The following ELP4 variants were observed in gnomAD, a reference collection of about 807,000 sequenced individuals.
The protein encoded by ELP4 is elongator acetyltransferase complex subunit 4.
ELP4 carries 51 observed loss-of-function variants against 48.9 expected under a neutral mutation model. That is an observed-to-expected ratio of 1.04 (90% CI 0.83 to 1.32). The LOEUF (loss-of-function observed/expected upper bound fraction) is 1.32. ELP4 is among the 40% of genes most tolerant of loss of function. ELP4 has a pLI of 0.00. For synonymous variants in ELP4, 210 were observed against 189.2 expected, an observed-to-expected ratio of 1.11 and a Z score of -0.90; for missense variants, 519 against 514.6, an observed-to-expected ratio of 1.01 and a Z score of -0.08.
At chr11:31,643,764 A>G (rs1350281562) in intron 7 of ELP4, among the ~76,000 whole-genome samples, 1 of 151,876 alleles carries the variant, frequency 6.6e-6, no homozygotes, top group Non-Finnish European at 1.5e-5. Flanking sequence ...TTACCATTGT[A>G]TAATGGCAAA....
At chr11:31,594,251 A>G (rs981264464) in intron 3 of ELP4, among the ~76,000 whole-genome samples, 1 of 152,200 alleles carries the variant, frequency 6.6e-6, no homozygotes, top group Non-Finnish European at 1.5e-5. Flanking sequence ...AAGAAGAGAC[A>G]TAAGCTTGCA....
intron 9 of ELP4, among the ~76,000 whole-genome samples, chr11:31,690,318 A>G (rs1946250086): frequency 1.3e-5 from 2 of 152,150 alleles, no homozygotes; most frequent in Admixed American, 6.6e-5. Context: ...AACCTGTGCC[A>G]CAATCCAGTC....
chr11:31,730,970 GA>G (rs879362700), intron 9 of ELP4, among the ~76,000 whole-genome samples: 41 of 141,598 alleles, frequency 2.9e-4, no homozygotes, highest in Admixed American at 5.0e-4. Context: ...ACAAGCTCCT[GA>G]AAAAAAAAAA....
At chr11:31,695,408 G>C (rs939675199) in intron 9 of ELP4, among the ~76,000 whole-genome samples, 12 of 152,176 alleles carry the variant, frequency 7.9e-5, no homozygotes, top group South Asian at 2.1e-4. Context: ...TGCATCTATT[G>C]AGATAATTAT....
chr11:31,516,696 T>C (rs1684462671), intron 1 of ELP4, among the ~76,000 whole-genome samples: 1 of 152,206 alleles, frequency 6.6e-6, no homozygotes, highest in South Asian at 2.1e-4. Context: ...TTTGCCATTT[T>C]GTCCAGGCTT....
At chr11:31,772,128 T>TTC (rs1417508980) in intron 9 of ELP4, among the ~76,000 whole-genome samples, 1 of 150,628 alleles carries the variant, frequency 6.6e-6, no homozygotes, top group Non-Finnish European at 1.5e-5. Flanking sequence ...TTCTTTTTTT[T>TTC]TTTTTTTTTT....
chr11:31,738,547 G>A (rs1170451072), intron 9 of ELP4, among the ~76,000 whole-genome samples: 2 of 152,090 alleles, frequency 1.3e-5, no homozygotes, highest in East Asian at 3.8e-4. Flanking sequence ...ACAAGCCTGG[G>A]CAACATGGCA....
chr11:31,742,337 G>A (rs889793060), intron 9 of ELP4, among the ~76,000 whole-genome samples: 7 of 152,182 alleles, frequency 4.6e-5, no homozygotes, highest in Admixed American at 3.9e-4. Flanking sequence ...ATATTATCCA[G>A]GAGAACTTCC....
intron 9 of ELP4, among the ~76,000 whole-genome samples, chr11:31,675,574 T>A (rs1945906382): frequency 1.3e-5 from 2 of 152,160 alleles, no homozygotes; most frequent in African/African-American, 4.8e-5. Flanking sequence ...TTTAATCTTT[T>A]TAAAAAATAT....
Position 31,783,653 on chromosome 11 carries a change from TGCC to T in ELP4, c.*133_*135del, listed in dbSNP as rs1948429642. ...TGAAAAACACAGGATTATAAAATGG[TGCC>T]GCCATTTCTCATTTTTTAACTTTTT... On this transcript the variant is annotated 3_prime_UTR_variant, in exon 10 of 10. Transcript: ENST00000640961. The T allele has an allele frequency of 2.4e-6, 2 of 845,848 alleles. No homozygotes were observed. The highest frequency in any genetic ancestry group is 1.7e-6 in the Non-Finnish European group (1 of 586,898). 52.4% of individuals were successfully genotyped at this position (845,848 alleles called of 1,614,324 possible). A position where few individuals can be genotyped will look rare whatever the true frequency, so the allele number is the denominator to read the frequency against.
chr11:31,659,767 C>T (rs1432477914), intron 9 of ELP4, among the ~76,000 whole-genome samples: 1 of 152,040 alleles, frequency 6.6e-6, no homozygotes, highest in Admixed American at 6.6e-5. Flanking sequence ...GTAGATGGAT[C>T]ACTTGAGGTC....
In ELP4 at chr11:31,788,603, C is replaced by T. The variant is rs1948865429; in HGVS notation, c.*5079C>T. On this transcript the variant is annotated 3_prime_UTR_variant, in exon 10 of 10. Transcript: ENST00000640961. The stretch of plus-strand genomic sequence containing the variant: ...ATCTGCCCAGATTGAAAATGCCAGT[C>T]CTAATTCAAAAAACAATTCCTAGCT... 4.5e-6 allele frequency: 1 copy of T among 221,140 alleles called. No homozygotes were observed. Among genetic ancestry groups the T allele is most frequent in the Non-Finnish European group, 9.1e-6 (1 of 110,348 alleles). The allele number at this position is 221,140 out of a possible 1,614,324, so 13.7% of individuals were successfully genotyped here.
At chr11:31,774,215 C>T (rs557537788) in intron 9 of ELP4, among the ~76,000 whole-genome samples, 3 of 152,174 alleles carry the variant, frequency 2.0e-5, no homozygotes, top group Non-Finnish European at 4.4e-5. Flanking sequence ...GGCCTCTCTA[C>T]CCTTATCTCA....
In ELP4 at chr11:31,627,187, A is replaced by G. The variant is rs570788112; in HGVS notation, c.731A>G (p.Asn244Ser). Reference sequence around the variant, plus strand: ...TATGAGGAAGGATTTGATGGATCCAATCCTCAGGTATTAAATAGCTTCAAA... The same window carrying G: ...TATGAGGAAGGATTTGATGGATCCAGTCCTCAGGTATTAAATAGCTTCAAA... The part of the protein sequence containing the change: ...IIYEEGFDGS[N>S]PQKKQRNILR... Residue 244 changes from asparagine (N) to serine (S), a missense_variant, in exon 6 of 10, where the codon AAT becomes AGT. By Grantham distance (46) the Asn-to-Ser change is conservative. Transcript: ENST00000640961. The G allele has an allele frequency of 2.3e-5, 36 of 1,558,692 alleles. No individual in the cohort carries two copies. The South Asian group carries it at 3.1e-4, about 14-fold the overall frequency.
intron 5 of ELP4, among the ~76,000 whole-genome samples, chr11:31,617,616 A>G (rs1481646437): frequency 2.0e-5 from 3 of 152,032 alleles, no homozygotes; most frequent in Non-Finnish European, 4.4e-5. Context: ...ATGGGGAAAA[A>G]CAGATTGGAT....
chr11:31,666,578 G>A (rs769114011), intron 9 of ELP4, among the ~76,000 whole-genome samples: 14 of 151,396 alleles, frequency 9.2e-5, no homozygotes, highest in Non-Finnish European at 1.2e-4. Context: ...TGTAGTCCCA[G>A]CTACTTAGGA....
At chr11:31,751,297 A>C (rs911550610) in intron 9 of ELP4, among the ~76,000 whole-genome samples, 1 of 152,234 alleles carries the variant, frequency 6.6e-6, no homozygotes, top group Admixed American at 6.5e-5. Flanking sequence ...AAGCCTCTAC[A>C]TATGTCCAGC....
intron 9 of ELP4, among the ~76,000 whole-genome samples, chr11:31,661,150 A>G (rs910277261): frequency 6.6e-6 from 1 of 152,002 alleles, no homozygotes; most frequent in African/African-American, 2.4e-5. Context: ...ACACCCCCTT[A>G]ATATTTTTTA....
chr11:31,587,217 G>GTA (rs1251100887), intron 3 of ELP4, among the ~76,000 whole-genome samples: 1 of 152,106 alleles, frequency 6.6e-6, no homozygotes, highest in East Asian at 1.9e-4. Flanking sequence ...TATCAACTAA[G>GTA]GTAACTCAAG....
Sources: gnomAD v4.1 joint callset for allele counts (sites outside exome capture counted in the v4.1 genomes callset) on GRCh38, gnomAD v4.1.1 for gene constraint, MANE v1.5 for transcripts, NCBI Gene and HGNC (gene_info 2026-07-23, HGNC 2026-07-21) for gene names.